LRMDA: variants seen among roughly 807,000 people sequenced by gnomAD.
LRMDA encodes the protein leucine-rich melanocyte differentiation-associated protein.
In LRMDA, 18 loss-of-function variants were observed where a neutral mutation model predicts 29.8. That is an observed-to-expected ratio of 0.60 (90% confidence interval 0.42 to 0.90). The LOEUF (loss-of-function observed/expected upper bound fraction) is 0.90. Among genes scored for constraint, LRMDA ranks in the 40% least tolerant of loss-of-function variants. The pLI is 0.00. For synonymous variants in LRMDA, 125 were observed against 109.4 expected, an observed-to-expected ratio of 1.14 and a Z score of -0.89; for missense variants, 273 against 273.9, an observed-to-expected ratio of 1.00 and a Z score of 0.02.
intron 2 of LRMDA, among the ~76,000 whole-genome samples, chr10:75,785,745 A>G (rs1843461164): frequency 6.6e-6 from 1 of 152,354 alleles, no homozygotes; most frequent in East Asian, 1.9e-4. Flanking sequence ...GCAATCTATC[A>G]AAACGATAGA....
chr10:75,592,178 A>G (rs1840731455), intron 2 of LRMDA, among the ~76,000 whole-genome samples: 2 of 152,132 alleles, frequency 1.3e-5, no homozygotes, highest in South Asian at 4.1e-4. Flanking sequence ...GGTTCAAAGC[A>G]GGGAGGAGGA....
chr10:76,543,572 C>T (rs1015336959), intron 6 of LRMDA, among the ~76,000 whole-genome samples: 1 of 152,110 alleles, frequency 6.6e-6, no homozygotes, highest in African/African-American at 2.4e-5. Context: ...TCCTGTTTCC[C>T]TCCCCTCAAC....
intron 5 of LRMDA, among the ~76,000 whole-genome samples, chr10:76,314,262 A>C (rs1416930795): frequency 6.6e-6 from 1 of 152,076 alleles, no homozygotes; most frequent in Non-Finnish European, 1.5e-5. Context: ...TAAGAAATGG[A>C]ATTTTGCCAT....
intron 2 of LRMDA, among the ~76,000 whole-genome samples, chr10:75,545,558 A>C (rs1442153441): frequency 6.6e-6 from 1 of 152,178 alleles, no homozygotes; most frequent in Non-Finnish European, 1.5e-5. Context: ...GACCTTAGTT[A>C]ATATATGACA....
intron 2 of LRMDA, among the ~76,000 whole-genome samples, chr10:75,510,959 T>C (rs1428719977): frequency 6.6e-6 from 1 of 152,154 alleles, no homozygotes; most frequent in Non-Finnish European, 1.5e-5. Context: ...GCAGTTGACA[T>C]GGTAACAGTC....
At chr10:75,578,833 G>GAAAAA (rs138199632) in intron 2 of LRMDA, among the ~76,000 whole-genome samples, 1 of 135,512 alleles carries the variant, frequency 7.4e-6, no homozygotes, top group East Asian at 2.1e-4. Context: ...GATGTTCTTT[G>GAAAAA]AAAAAAAAAA....
chr10:76,420,285 T>C (rs562545182), intron 6 of LRMDA, among the ~76,000 whole-genome samples: 1 of 152,116 alleles, frequency 6.6e-6, no homozygotes, highest in Non-Finnish European at 1.5e-5. Flanking sequence ...GTTGTATTTT[T>C]AAAAGATTTT....
At chr10:76,434,726 G>C (rs950486755) in intron 6 of LRMDA, among the ~76,000 whole-genome samples, 2 of 152,216 alleles carry the variant, frequency 1.3e-5, no homozygotes, top group Non-Finnish European at 2.9e-5. Flanking sequence ...TCTTCAAAGA[G>C]CTCACCATCT....
intron 2 of LRMDA, among the ~76,000 whole-genome samples, chr10:75,965,982 C>T (rs150968310): frequency 1.3e-5 from 2 of 152,326 alleles, no homozygotes; most frequent in African/African-American, 4.8e-5. Flanking sequence ...CTTCATACCA[C>T]CTGTACCCTT....
chr10:76,522,753 G>A (rs1405739927), intron 6 of LRMDA, among the ~76,000 whole-genome samples: 2 of 152,174 alleles, frequency 1.3e-5, no homozygotes, highest in African/African-American at 2.4e-5. Context: ...CTGAGGGCCT[G>A]AAAAGTTGTA....
intron 2 of LRMDA, among the ~76,000 whole-genome samples, chr10:75,710,695 G>A (rs1241091626): frequency 6.6e-6 from 1 of 152,230 alleles, no homozygotes; most frequent in Non-Finnish European, 1.5e-5. Context: ...GTGAGCTGTG[G>A]CTGCAGGTTC....
intron 6 of LRMDA, among the ~76,000 whole-genome samples, chr10:76,460,807 C>T (rs1301172139): frequency 1.3e-5 from 2 of 152,164 alleles, no homozygotes; most frequent in Non-Finnish European, 2.9e-5. Flanking sequence ...CTCTAAGATG[C>T]ATTGCAGAGC....
intron 2 of LRMDA, among the ~76,000 whole-genome samples, chr10:75,789,970 T>C (rs1161133892): frequency 6.6e-6 from 1 of 152,012 alleles, no homozygotes; most frequent in East Asian, 1.9e-4. Context: ...GGCAACCAAA[T>C]ATACGAGATG....
chr10:75,664,742 A>G (rs1841799349), intron 2 of LRMDA, among the ~76,000 whole-genome samples: 1 of 152,242 alleles, frequency 6.6e-6, no homozygotes, highest in African/African-American at 2.4e-5. Flanking sequence ...GGCAGGATGA[A>G]AAAGATTGAA....
chr10:76,530,749 C>A (rs538988643), intron 6 of LRMDA, among the ~76,000 whole-genome samples: 11 of 152,214 alleles, frequency 7.2e-5, no homozygotes, highest in African/African-American at 2.6e-4. Context: ...AAAATTGTAT[C>A]ATGGAATGAA....
intron 2 of LRMDA, among the ~76,000 whole-genome samples, chr10:75,655,286 C>G (rs1841654375): frequency 6.6e-6 from 1 of 152,194 alleles, no homozygotes; most frequent in Non-Finnish European, 1.5e-5. Context: ...ATTTTATCAC[C>G]ATACTTCTCT....
intron 2 of LRMDA, among the ~76,000 whole-genome samples, chr10:75,961,399 G>A (rs1486720959): frequency 6.6e-6 from 1 of 152,198 alleles, no homozygotes; most frequent in East Asian, 1.9e-4. Context: ...TCAATTCACA[G>A]GTACATGTGT....
intron 6 of LRMDA, among the ~76,000 whole-genome samples, chr10:76,350,765 G>A (rs1020801942): frequency 4.6e-5 from 7 of 152,068 alleles, no homozygotes; most frequent in African/African-American, 1.4e-4. Flanking sequence ...GTGGTTTTGC[G>A]GTGTGGAAGC....
intron 2 of LRMDA, among the ~76,000 whole-genome samples, chr10:76,006,147 CTG>C (rs1847652058): frequency 6.6e-6 from 1 of 152,148 alleles, no homozygotes; most frequent in African/African-American, 2.4e-5. Flanking sequence ...TCTTCAGAGT[CTG>C]TGAACATTTA....
Sources: gnomAD v4.1 joint callset for allele counts (sites outside exome capture counted in the v4.1 genomes callset) on GRCh38, gnomAD v4.1.1 for gene constraint, MANE v1.5 for transcripts, NCBI Gene and HGNC (gene_info 2026-07-23, HGNC 2026-07-21) for gene names.